Variants in SZT2 observed in about 807,000 individuals in gnomAD.
SZT2 encodes SZT2 subunit of KICSTOR complex.
SZT2 carries 216 observed loss-of-function variants against 404.2 expected under a neutral mutation model. The observed-to-expected ratio is 0.53, with a 90% CI of 0.48 to 0.60. The LOEUF is 0.60. SZT2 is among the 20% of genes least tolerant of loss of function. The pLI is 0.00. For synonymous variants in SZT2, 1,693 were observed against 1,749.9 expected (o/e 0.97, Z 0.81); for missense variants, 3,857 against 4,459.2 (o/e 0.86, Z 3.85).
rs1213613936 is a variant in SZT2, at chr1:43,446,834, G to A, written c.9073-121G>A. ...CACAGAAACCATTCTGGCAGAGGGC[G>A]TTCCACTAGGCCACAGCAGCAGGGG... is the stretch of plus-strand genomic sequence containing the variant. On this transcript the variant is annotated intron_variant, in intron 65 of 71. Transcript: ENST00000634258. 23 of 1,036,902 alleles carry A rather than the reference G, an allele frequency of 2.2e-5. No individual in the cohort carries two copies. The Admixed American group carries it at 2.8e-4, about 12-fold the overall frequency. 64.2% of individuals were successfully genotyped at this position (1,036,902 alleles called of 1,614,324 possible).
chr1:43,438,157 G>T, intron 46 of SZT2: 1 of 468,016 alleles, frequency 2.1e-6, no homozygotes, highest in Non-Finnish European at 3.9e-6. Context: ...TCAAGCAGGA[G>T]CTGCATGGGA....
In SZT2 at chr1:43,416,530, T is replaced by C. The variant is rs1215409137; in HGVS notation, c.773-5T>C. On this transcript the variant is annotated splice_polypyrimidine_tract_variant and splice_region_variant and intron_variant, in intron 6 of 71. Coordinates refer to ENST00000634258, the MANE Select transcript of SZT2 (RefSeq NM_001365999.1). ...CCAGGTCTGATCTGGTGTTTCCTGCTCCAGGGATTATCGTGATCACGGATG... is the reference window on the plus strand; with the variant it reads ...CCAGGTCTGATCTGGTGTTTCCTGCCCCAGGGATTATCGTGATCACGGATG... The C allele has an allele frequency of 1.9e-6, 3 of 1,597,720 alleles. No individual in the cohort carries two copies. In the South Asian group the frequency reaches 3.3e-5, roughly 18 times the overall value.
intron 27 of SZT2, 45 bp downstream of exon 27, chr1:43,428,163 G>C: frequency 6.2e-7 from 1 of 1,611,412 alleles, no homozygotes; most frequent in South Asian, 1.1e-5. Flanking sequence ...CCCTGCGGGA[G>C]ATACAGGGAT....
rs761122370 is a variant in SZT2 at position 43,448,403 on chromosome 1, G to T, written c.9888G>T (p.Gly3296=). ...EPPGPDRLRL[G]GRLALAELEE... The stretch of plus-strand genomic sequence containing the variant: ...CGGGGCCTGATCGACTGCGGCTAGG[G>T]GGGCGCCTGGCCCTGGCAGAGCTGG... The change falls in exon 69 of 72, where the codon GGG becomes GGT. Residue 3296 remains glycine, a synonymous_variant. Coordinates refer to ENST00000634258, the MANE Select transcript of SZT2 (RefSeq NM_001365999.1). This position sits in a 1 kb window ranked among gnomAD's most constrained non-coding sequence, Gnocchi z 4.2. The T allele has an allele frequency of 3.2e-6, 5 of 1,580,700 alleles. No individual in the cohort carries two copies. Among genetic ancestry groups the T allele is most frequent in the Middle Eastern group, 3.3e-4 (2 of 6,026 alleles).
chr1:43,423,235 C>T lies in SZT2; in HGVS notation c.2174C>T (p.Pro725Leu), dbSNP rs1364964523. 6.3e-7 allele frequency: 1 copy of T among 1,592,932 alleles called. No homozygotes were observed. The highest frequency in any genetic ancestry group is 1.1e-5 in the South Asian group (1 of 90,318). Residue 725 changes from proline (P) to leucine (L), a missense_variant, in exon 15 of 72, where the codon CCC becomes CTC. Transcript: ENST00000634258. The part of the protein sequence containing the change: ...GGGSSPSKSP[P>L]VLGPQQALSD... Reference sequence around the variant, plus strand: ...GGCAGCTCTCCCTCCAAGTCACCCCCCGTGCTGGGGCCACAGCAGGCCCTG... The same window carrying T: ...GGCAGCTCTCCCTCCAAGTCACCCCTCGTGCTGGGGCCACAGCAGGCCCTG...
intron 4 of SZT2, chr1:43,410,042 T>TGGCACTGGCATAAAAACAGACAC (rs1553140999): frequency 2.0e-5 from 3 of 152,136 alleles, no homozygotes; most frequent in Non-Finnish European, 2.9e-5. Context: ...AAAAACAGCA[T>TGGCACTGGCATAAAAACAGACAC]GGTACTGGCA....
Position 43,441,359 on chromosome 1 carries a change from A to G in SZT2, c.7490A>G (p.Asp2497Gly). 6.2e-7 allele frequency: 1 copy of G among 1,614,174 alleles called. No individual in the cohort carries two copies. The highest frequency in any genetic ancestry group is 1.3e-5 in the African/African-American group (1 of 75,038). Residue 2497 changes from aspartate (D) to glycine (G), a missense_variant, in exon 53 of 72, where the codon GAT (aspartate) becomes GGT (glycine). Physicochemically the swap from Asp to Gly is moderately conservative, Grantham distance 94. This residue lies in a region of SZT2 where 573 missense variants were observed against 592.4 expected (regional missense o/e 0.97). Transcript: ENST00000634258. This position sits in a 1 kb window ranked among gnomAD's most constrained non-coding sequence, Gnocchi z 4.8. ...GGAGCTGAGCGGGCGCCAGGCTCAG[A>G]TTCTGGAGCCCAGAGACAAAAGTAT... ...PGGAERAPGS[D>G]SGAQRQKRRT...
chr1:43,409,137 A>T lies in SZT2; in HGVS notation c.498+4587A>T, dbSNP rs536780001. 6.6e-5 allele frequency among the ~76,000 whole-genome samples: 10 copies of T among 152,348 alleles called. No individual in the cohort carries two copies. In the South Asian group the frequency reaches 2.1e-3, roughly 32 times the overall value. ...TTAGATGGACAGATTAGCTACAGGG[A>T]AAAAGAGAAGGAAGAGGAATCCTTG... On this transcript the variant is annotated intron_variant, in intron 4 of 71. Coordinates refer to ENST00000634258, the MANE Select transcript of SZT2 (RefSeq NM_001365999.1).
rs778819086 is a variant in SZT2 at position 43,453,728 on chromosome 1, C to A, written c.*3248C>A. On this transcript the variant is annotated 3_prime_UTR_variant, in exon 72 of 72. Transcript: ENST00000634258. Reference sequence around the variant, plus strand: ...CCGAGCTGCCCGCGGCCCGCACCCGCGCGGGGAGGCCGGAGAGCTCGGGGA... The same window carrying A: ...CCGAGCTGCCCGCGGCCCGCACCCGAGCGGGGAGGCCGGAGAGCTCGGGGA... The A allele has an allele frequency of 1.4e-6, 2 of 1,388,996 alleles. No homozygotes were observed. Among genetic ancestry groups the A allele is most frequent in the Non-Finnish European group, 1.8e-6 (2 of 1,083,212 alleles). 86.0% of individuals were successfully genotyped at this position (1,388,996 alleles called of 1,614,324 possible).
chr1:43,430,251 T>C, intron 30 of SZT2, 60 bp from the exon 31 acceptor site: 1 of 1,592,972 alleles, frequency 6.3e-7, no homozygotes, highest in East Asian at 2.2e-5. Flanking sequence ...TAATCCCACT[T>C]GCCTAGGATG....
rs755978530 is a variant in SZT2, at chr1:43,442,154, G to C, written c.7873+24G>C. The C allele has an allele frequency of 1.9e-6, 3 of 1,572,068 alleles. No homozygotes were observed. On this transcript the variant is annotated intron_variant, in intron 56 of 71. Transcript: ENST00000634258. The surrounding 1 kb of genome is among the most constrained non-coding windows in gnomAD (Gnocchi z 4.5). ...GGGTGAGGGCATGGCCCGGGGGGGC[G>C]GGGGGCGGGTAGGCTAAGAGTAACT...
At chr1:43,390,689 T>C (rs944103228) in intron 1 of SZT2, among the ~76,000 whole-genome samples, 8 of 152,216 alleles carry the variant, frequency 5.3e-5, no homozygotes, top group Non-Finnish European at 1.2e-4. Context: ...AAGGTGGCAT[T>C]CTCACAGAGG....
intron 40 of SZT2, among the ~76,000 whole-genome samples, chr1:43,434,040 G>A (rs1179888249): frequency 6.6e-6 from 1 of 152,192 alleles, no homozygotes; most frequent in Non-Finnish European, 1.5e-5. Flanking sequence ...GCAGGGTAAG[G>A]TGGGGCTGAG....
rs375565374 is a variant in SZT2, at chr1:43,426,807, C to T, written c.3307C>T (p.Leu1103=). 16 of 1,613,230 alleles carry T rather than the reference C, an allele frequency of 9.9e-6. No homozygotes were observed. In the African/African-American group the frequency reaches 1.7e-4, roughly 17 times the overall value. The stretch of plus-strand genomic sequence containing the variant: ...CACAGGAGACTCCGCTTTTACTTCC[C>T]TGGTCAGCACCGATTCTTCTCCCTG... ...QATGDSAFTS[L]SVGLPETLKP... Residue 1103 remains leucine (L), a splice_region_variant and synonymous_variant, in exon 23 of 72, where the codon CTG becomes TTG. Coordinates refer to ENST00000634258, the MANE Select transcript of SZT2 (RefSeq NM_001365999.1). This position sits in a 1 kb window ranked among gnomAD's most constrained non-coding sequence, Gnocchi z 4.9.
Position 43,433,068 on chromosome 1 carries a change from G to T in SZT2, c.5682G>T (p.Arg1894=), listed in dbSNP as rs1198017099. 1 of 1,614,084 alleles carries T rather than the reference G, an allele frequency of 6.2e-7. No homozygotes were observed. Among genetic ancestry groups the T allele is most frequent in the Non-Finnish European group, 8.5e-7 (1 of 1,180,002 alleles). The change falls in exon 40 of 72, where the codon CGG becomes CGT. Residue 1894 remains arginine, a synonymous_variant. Transcript: ENST00000634258. ...TLGEKAPFTL[R]TPPGPAPPQP... ...GTGAGAAGGCCCCCTTCACATTGCGGACTCCACCTGGGCCAGCACCTCCAC... is the reference window on the plus strand; with the variant it reads ...GTGAGAAGGCCCCCTTCACATTGCGTACTCCACCTGGGCCAGCACCTCCAC...
At position 43,447,638 on chromosome 1, in the gene SZT2, G is replaced by T; in HGVS notation, c.9380G>T (p.Arg3127Leu). ...AGCTCTTACCACATGAAGCCATTGC[G>T]AATGGCCCGGCCAGGGGGCCCAGAA... is the stretch of plus-strand genomic sequence containing the variant. Reference protein sequence around the residue: ...HASSYHMKPLRMARPGGPEHN... With the variant: ...HASSYHMKPLLMARPGGPEHN... Residue 3127 changes from arginine to leucine, a missense_variant, in exon 67 of 72, where the codon CGA becomes CTA. Coordinates refer to ENST00000634258, the MANE Select transcript of SZT2 (RefSeq NM_001365999.1). The T allele has an allele frequency of 6.2e-7, 1 of 1,614,206 alleles. No individual in the cohort carries two copies. Among genetic ancestry groups the T allele is most frequent in the Non-Finnish European group, 8.5e-7 (1 of 1,180,050 alleles).
rs1278882889 is a variant in SZT2 at position 43,453,558 on chromosome 1, C to T, written c.*3078C>T. On this transcript the variant is annotated 3_prime_UTR_variant, in exon 72 of 72. Transcript: ENST00000634258. ...CACTCCCCTGCCCGCGCCCCGGCAC[C>T]CCCCAGCCCTCCCAGCCCTCCCGGC... is the stretch of plus-strand genomic sequence containing the variant. The T allele has an allele frequency of 6.6e-7, 1 of 1,519,486 alleles. No homozygotes were observed. Among genetic ancestry groups the T allele is most frequent in the Non-Finnish European group, 8.9e-7 (1 of 1,129,764 alleles). The allele number at this position is 1,519,486 out of a possible 1,614,324, so 94.1% of individuals were successfully genotyped here. A position where few individuals can be genotyped will look rare whatever the true frequency, so the allele number is the denominator to read the frequency against.
At chr1:43,422,436 C>A (rs992755691) in intron 12 of SZT2, 44 bp from the exon 13 acceptor site, 2 of 1,527,022 alleles carry the variant, frequency 1.3e-6, no homozygotes, top group Admixed American at 2.0e-5. Flanking sequence ...TTCTCCAAGC[C>A]TGGGGCCTGG....
Position 43,424,765 on chromosome 1 carries a change from G to A in SZT2, c.2472-19G>A, listed in dbSNP as rs1303396187. ...TCTTCCCTTATCCTGGCCTTGCCCC[G>A]GCCTTTATGGGGCTTCAGAGTCCGA... On this transcript the variant is annotated intron_variant, in intron 16 of 71. Coordinates refer to ENST00000634258, the MANE Select transcript of SZT2 (RefSeq NM_001365999.1). This position sits in a 1 kb window ranked among gnomAD's most constrained non-coding sequence, Gnocchi z 4.1. 3.7e-6 allele frequency: 6 copies of A among 1,611,088 alleles called. No individual in the cohort carries two copies. The highest frequency in any genetic ancestry group is 4.2e-6 in the Non-Finnish European group (5 of 1,177,380).
Sources: allele counts gnomAD v4.1 joint callset (sites outside exome capture counted in the v4.1 genomes callset), GRCh38; gene constraint gnomAD v4.1.1; regional missense constraint gnomAD v4.1.1; non-coding constraint Gnocchi (gnomAD v3.1); transcripts MANE v1.5; gene names NCBI Gene and HGNC (gene_info 2026-07-23, HGNC 2026-07-21).